The following PSMA1 variants were observed in gnomAD, a reference collection of about 807,000 sequenced individuals.
PSMA1 encodes the protein proteasome 20S subunit alpha 1, also known as proteasome subunit alpha type-1.
A neutral mutation model predicts 38.4 loss-of-function variants in PSMA1; 3 were observed. The ratio of observed to expected loss-of-function variants is 0.08; its 90% CI spans 0.04 to 0.20. The LOEUF (loss-of-function observed/expected upper bound fraction) is 0.20, where lower values mean the gene tolerates loss of function less well. Among genes scored for constraint, PSMA1 ranks in the 10% least tolerant of loss-of-function variants. The pLI is 1.00. For missense variants in PSMA1, 227 were observed against 325.3 expected (o/e 0.70, Z 2.32); for synonymous variants, 101 against 107.1 (o/e 0.94, Z 0.35).
intron 1 of PSMA1, among the ~76,000 whole-genome samples, chr11:14,616,445 C>A (rs904848312): frequency 1.3e-5 from 2 of 151,892 alleles, no homozygotes; most frequent in Non-Finnish European, 2.9e-5. Flanking sequence ...GTTGGCTAGG[C>A]TGGTCTCGAA....
At chr11:14,581,675 T>C (rs533317938) in intron 2 of PSMA1, among the ~76,000 whole-genome samples, 14 of 152,274 alleles carry the variant, frequency 9.2e-5, no homozygotes, top group African/African-American at 3.4e-4. Flanking sequence ...CAACTCAAAA[T>C]AGCTTAAGAA....
chr11:14,507,659 T>G lies in PSMA1; in HGVS notation c.732A>C (p.Ala244=). Residue 244 remains alanine, a synonymous_variant, in exon 9 of 10, where the codon GCA becomes GCC. Coordinates refer to ENST00000396394, the MANE Select transcript of PSMA1 (RefSeq NM_002786.4). The part of the protein sequence containing the change: ...EGLEERPQRK[A]QPAQPADEPA... The stretch of plus-strand genomic sequence containing the variant: ...CTCTTGTGTTATGATTATATACCTG[T>G]GCCTTTCTCTGTGGTCTTTCTTCAA... 2 of 1,585,398 alleles carry G rather than the reference T, an allele frequency of 1.3e-6. No homozygotes were observed. Among genetic ancestry groups the G allele is most frequent in the Non-Finnish European group, 1.7e-6 (2 of 1,154,602 alleles).
chr11:14,626,841 G>A (rs79123458), intron 1 of PSMA1, among the ~76,000 whole-genome samples: 5,496 of 152,300 alleles, frequency 0.036, 135 homozygotes, highest in Non-Finnish European at 0.056. Context: ...TAAGCAGGAA[G>A]TTAATTTAAC....
chr11:14,612,007 T>G (rs1345729473), intron 1 of PSMA1, among the ~76,000 whole-genome samples: 1 of 152,212 alleles, frequency 6.6e-6, no homozygotes, highest in East Asian at 1.9e-4. Flanking sequence ...AAAAAACAGC[T>G]GTTTTTTGGT....
chr11:14,634,367 C>G lies in PSMA1; in HGVS notation c.-166+9088G>C, dbSNP rs1565064441. Among the ~76,000 whole-genome samples, 6 of 152,120 alleles carry G rather than the reference C, an allele frequency of 3.9e-5. No homozygotes were observed. In the South Asian group the frequency reaches 1.2e-3, roughly 31 times the overall value. ...CACTTGTACACATACACGCAACACA[C>G]AAATGCATGCAACACACACTTTTCG... is the stretch of plus-strand genomic sequence containing the variant. On this transcript the variant is annotated intron_variant, in intron 1 of 10. Coordinates refer to the PSMA1 transcript ENST00000418988.
intron 1 of PSMA1, among the ~76,000 whole-genome samples, chr11:14,625,167 G>C (rs186039508): frequency 6.6e-6 from 1 of 152,222 alleles, no homozygotes; most frequent in Non-Finnish European, 1.5e-5. Flanking sequence ...TTGTCATTCA[G>C]CCTGGGTGTG....
chr11:14,540,977 A>G (rs1293561634), intron 2 of PSMA1, among the ~76,000 whole-genome samples: 1 of 152,152 alleles, frequency 6.6e-6, no homozygotes, highest in Non-Finnish European at 1.5e-5. Context: ...ATTCGGAGAT[A>G]TATCTAATGT....
At chr11:14,634,509 T>G (rs997990046) in intron 1 of PSMA1, among the ~76,000 whole-genome samples, 2 of 152,112 alleles carry the variant, frequency 1.3e-5, no homozygotes, top group African/African-American at 2.4e-5. Context: ...GGCTTTTTTT[T>G]TTTTTAAGTG....
chr11:14,571,583 T>C (rs1852141343), intron 2 of PSMA1, among the ~76,000 whole-genome samples: 1 of 152,198 alleles, frequency 6.6e-6, no homozygotes, highest in African/African-American at 2.4e-5. Context: ...AGACCATTGA[T>C]GCTAGGAAGA....
chr11:14,586,633 G>A (rs1300979087), intron 2 of PSMA1, among the ~76,000 whole-genome samples: 1 of 152,050 alleles, frequency 6.6e-6, no homozygotes, highest in Non-Finnish European at 1.5e-5. Context: ...TTTTTTCTGT[G>A]TGGAATACCT....
At chr11:14,617,761 TCTTA>T (rs775911957) in intron 1 of PSMA1, among the ~76,000 whole-genome samples, 3 of 151,738 alleles carry the variant, frequency 2.0e-5, no homozygotes, top group Non-Finnish European at 2.9e-5. Context: ...GCTGAAAGCT[TCTTA>T]CTGTTACCGC....
intron 2 of PSMA1, among the ~76,000 whole-genome samples, chr11:14,552,004 A>G (rs546017719): frequency 2.5e-4 from 38 of 152,332 alleles, no homozygotes; most frequent in Non-Finnish European, 1.5e-5. Context: ...AATTAGAAGC[A>G]GCTTCAAGTT....
At chr11:14,638,166 A>G (rs184104383) in intron 1 of PSMA1, among the ~76,000 whole-genome samples, 2 of 152,248 alleles carry the variant, frequency 1.3e-5, no homozygotes, top group East Asian at 3.9e-4. Context: ...TACAAATGGT[A>G]ACTAGATCAG....
At chr11:14,517,562 A>G in intron 4 of PSMA1, 80 bp downstream of exon 4, 2 of 1,176,038 alleles carry the variant, frequency 1.7e-6, no homozygotes, top group Non-Finnish European at 1.2e-6. Context: ...AACTTCCTAA[A>G]ATACCTTATC....
chr11:14,553,379 CAT>C (rs1384774037), intron 2 of PSMA1, among the ~76,000 whole-genome samples: 1 of 152,108 alleles, frequency 6.6e-6, no homozygotes, highest in Admixed American at 6.6e-5. Flanking sequence ...AATTTCATCA[CAT>C]GTAGTAAATT....
At chr11:14,553,417 T>C (rs1013743712) in intron 2 of PSMA1, among the ~76,000 whole-genome samples, 12 of 152,190 alleles carry the variant, frequency 7.9e-5, no homozygotes, top group African/African-American at 2.7e-4. Context: ...AAAGTCAAGA[T>C]ACAGAACTGT....
upstream of PSMA1, among the ~76,000 whole-genome samples, chr11:14,525,188 A>G (rs182745845): frequency 2.6e-5 from 4 of 152,114 alleles, no homozygotes; most frequent in East Asian, 5.8e-4. Flanking sequence ...CACTCTTTTT[A>G]GTTATCCCCA....
chr11:14,543,149 G>A (rs1851791277), intron 2 of PSMA1, among the ~76,000 whole-genome samples: 1 of 152,124 alleles, frequency 6.6e-6, no homozygotes, highest in Non-Finnish European at 1.5e-5. Flanking sequence ...GTTTTTAAGA[G>A]CATAAAATAA....
chr11:14,532,327 A>G (rs1851656093), intron 2 of PSMA1, among the ~76,000 whole-genome samples: 1 of 152,194 alleles, frequency 6.6e-6, no homozygotes, highest in African/African-American at 2.4e-5. Context: ...AAGGGAGGCC[A>G]GGTGCGGTGG....
Sources: allele counts gnomAD v4.1 joint callset (sites outside exome capture counted in the v4.1 genomes callset), GRCh38; gene constraint gnomAD v4.1.1; transcripts MANE v1.5; gene names NCBI Gene and HGNC (gene_info 2026-07-23, HGNC 2026-07-21).